Variants in AKT2 observed in about 807,000 individuals in gnomAD.
AKT2 encodes AKT serine/threonine kinase 2, also known as RAC-beta serine/threonine-protein kinase.
In AKT2, 16 loss-of-function variants were observed where a neutral mutation model predicts 58.6. That is an observed-to-expected ratio of 0.27 (90% CI 0.18 to 0.41). AKT2 has a LOEUF of 0.41. AKT2 is among the 10% of genes least tolerant of loss of function. The pLI, the probability that AKT2 is intolerant of heterozygous loss-of-function variation, is 1.00. For synonymous variants in AKT2, 253 were observed against 254.0 expected (o/e 1.00, Z 0.04); for missense variants, 438 against 661.0 (o/e 0.66, Z 3.70).
At chr19:40,259,379 T>C (rs1054101660) in intron 2 of AKT2, among the ~76,000 whole-genome samples, 7 of 152,170 alleles carry the variant, frequency 4.6e-5, no homozygotes, top group Admixed American at 2.6e-4. Context: ...TTCAAAAGAA[T>C]GGATATCACA....
intron 2 of AKT2, among the ~76,000 whole-genome samples, chr19:40,258,245 G>GAAAAA (rs56202522): frequency 9.7e-5 from 4 of 41,084 alleles, no homozygotes; most frequent in African/African-American, 2.6e-4. Context: ...ACTCCGTCTC[G>GAAAAA]AAAAAAAAAA....
rs73044518 is a variant in AKT2, at chr19:40,271,960, T to C, written c.-84-6609A>G. ...GAAATAGGGAAACCTGGCAACAATC[T>C]AAAAGCTCACAACAGGGGTCTGGTG... is the stretch of plus-strand genomic sequence containing the variant. On this transcript the variant is annotated intron_variant, in intron 1 of 13. Coordinates refer to ENST00000392038, the MANE Select transcript of AKT2 (RefSeq NM_001626.6). Among the ~76,000 whole-genome samples the C allele has an allele frequency of 9.8e-3, 1,490 of 152,286 alleles. 11 individuals carry two copies. Among genetic ancestry groups the C allele is most frequent in the Middle Eastern group, 0.031 (9 of 294 alleles).
chr19:40,236,458 GA>G (rs1974033129), intron 9 of AKT2, 73 bp from the exon 10 acceptor site: 1 of 1,604,620 alleles, frequency 6.2e-7, no homozygotes, highest in Non-Finnish European at 8.5e-7. Context: ...TCCTTCCAGG[GA>G]AAGATGCCCG....
intron 4 of AKT2, among the ~76,000 whole-genome samples, chr19:40,251,899 T>C (rs1350820699): frequency 1.3e-5 from 2 of 152,164 alleles, no homozygotes; most frequent in African/African-American, 4.8e-5. Context: ...CACAACCAGA[T>C]GAAGCAGACA....
At chr19:40,276,732 C>T (rs2077333281) in intron 1 of AKT2, among the ~76,000 whole-genome samples, 1 of 152,000 alleles carries the variant, frequency 6.6e-6, no homozygotes, top group Non-Finnish European at 1.5e-5. Context: ...ATAATTTTTG[C>T]AGGCCAGGTG....
chr19:40,235,027 G>C lies in AKT2; in HGVS notation c.1366+18C>G. 5.6e-6 allele frequency: 9 copies of C among 1,611,496 alleles called. No homozygotes were observed. Among genetic ancestry groups the C allele is most frequent in the Non-Finnish European group, 7.6e-6 (9 of 1,177,562 alleles). On this transcript the variant is annotated intron_variant, in intron 13 of 13. Coordinates refer to ENST00000392038, the MANE Select transcript of AKT2 (RefSeq NM_001626.6). This position sits in a 1 kb window ranked among gnomAD's most constrained non-coding sequence, Gnocchi z 6.3. ...CCCCTGGGGCAGGCACACCAGCGCGGGGGCCCCAGGCACTCACAGCGGTCA... is the reference window on the plus strand; with the variant it reads ...CCCCTGGGGCAGGCACACCAGCGCGCGGGCCCCAGGCACTCACAGCGGTCA...
In AKT2 at chr19:40,235,348, A is replaced by G; in HGVS notation, c.1178T>C (p.Leu393Pro). The change falls in exon 12 of 14, where the codon CTT (leucine) becomes CCT (proline). Residue 393 changes from leucine (L) to proline (P), a missense_variant and splice_region_variant. Physicochemically the swap from Leu to Pro is moderately conservative, Grantham distance 98. Around this residue, in one of 3 missense-constraint regions of AKT2, gnomAD observed 148 missense variants for 199.5 expected, o/e 0.74. Coordinates refer to ENST00000392038, the MANE Select transcript of AKT2 (RefSeq NM_001626.6). This position sits in a 1 kb window ranked among gnomAD's most constrained non-coding sequence, Gnocchi z 6.3. The part of the protein sequence containing the change: ...GLLKKDPKQR[L>P]GGGPSDAKEV... ...CTTGGCATCGCTGGGCCCCCCACCAAGCCTGTGCAGAGACGGCCGTCAGCA... is the reference window on the plus strand; with the variant it reads ...CTTGGCATCGCTGGGCCCCCCACCAGGCCTGTGCAGAGACGGCCGTCAGCA... The G allele has an allele frequency of 6.2e-7, 1 of 1,613,736 alleles. No homozygotes were observed. Among genetic ancestry groups the G allele is most frequent in the Non-Finnish European group, 8.5e-7 (1 of 1,180,004 alleles).
chr19:40,236,171 A>G (rs1230420670), intron 10 of AKT2, 67 bp from the exon 11 acceptor site: 35 of 1,613,280 alleles, frequency 2.2e-5, no homozygotes, highest in Non-Finnish European at 2.8e-5. Flanking sequence ...TCCTGCCCTC[A>G]GGGCATCTGG....
At chr19:40,247,917 C>T (rs555752913) in intron 4 of AKT2, among the ~76,000 whole-genome samples, 1 of 152,264 alleles carries the variant, frequency 6.6e-6, no homozygotes, top group African/African-American at 2.4e-5. Flanking sequence ...TTTTCTGGAA[C>T]CTTCTCATCC....
chr19:40,279,830 TAC>T (rs931839945), intron 1 of AKT2, among the ~76,000 whole-genome samples: 18 of 152,088 alleles, frequency 1.2e-4, no homozygotes, highest in African/African-American at 4.3e-4. Context: ...CAGCACAAGC[TAC>T]AGAGGCTCTC....
rs1973993532 is a variant in AKT2, at chr19:40,235,896, T to C, written c.1169A>G (p.Lys390Arg). The change falls in exon 11 of 14, where the codon AAG becomes AGG. Residue 390 changes from lysine to arginine, a missense_variant. By Grantham distance (26) the Lys-to-Arg change is conservative (BLOSUM62 2). Transcript: ENST00000392038. This position sits in a 1 kb window ranked among gnomAD's most constrained non-coding sequence, Gnocchi z 6.3. ...LLAGLLKKDP[K>R]QRLGGGPSDA... ...GGCCGACGCCAGCCCTCACCTCTGC[T>C]TGGGGTCCTTCTTAAGCAGCCCAGC... The C allele has an allele frequency of 1.9e-6, 3 of 1,610,120 alleles. No individual in the cohort carries two copies. Among genetic ancestry groups the C allele is most frequent in the Non-Finnish European group, 2.5e-6 (3 of 1,179,394 alleles).
chr19:40,272,333 C>T (rs959602259), intron 1 of AKT2, among the ~76,000 whole-genome samples: 40 of 152,314 alleles, frequency 2.6e-4, no homozygotes, highest in African/African-American at 9.4e-4. Flanking sequence ...CAGACAGCAG[C>T]GCTTTCATCA....
Position 40,233,912 on chromosome 19 carries a change from T to C in AKT2, c.1406A>G (p.His469Arg). 1 of 1,611,828 alleles carries C rather than the reference T, an allele frequency of 6.2e-7. No homozygotes were observed. Among genetic ancestry groups the C allele is most frequent in the East Asian group, 2.2e-5 (1 of 44,876 alleles). ...LGLLELDQRTHFPQFSYSASI... is the reference protein window; with the variant it reads ...LGLLELDQRTRFPQFSYSASI... ...GGCCGAGTAGGAGAACTGGGGGAAGTGGGTCCGCTGGTCCAGCTCCAGTAA... is the reference window on the plus strand; with the variant it reads ...GGCCGAGTAGGAGAACTGGGGGAAGCGGGTCCGCTGGTCCAGCTCCAGTAA... The change falls in exon 14 of 14, where the codon CAC (histidine) becomes CGC (arginine). Residue 469 changes from histidine (H) to arginine (R), a missense_variant. By Grantham distance (29) the His-to-Arg change is conservative. Around this residue, in one of 3 missense-constraint regions of AKT2, gnomAD observed 148 missense variants for 199.5 expected, o/e 0.74. Coordinates refer to ENST00000392038, the MANE Select transcript of AKT2 (RefSeq NM_001626.6). This position sits in a 1 kb window ranked among gnomAD's most constrained non-coding sequence, Gnocchi z 4.3.
At chr19:40,264,004 G>C (rs1055782899) in intron 2 of AKT2, among the ~76,000 whole-genome samples, 6 of 152,088 alleles carry the variant, frequency 3.9e-5, no homozygotes, top group African/African-American at 1.4e-4. Context: ...TCGCGCCACC[G>C]TGAGACATGC....
chr19:40,273,250 A>G (rs1453657262), intron 1 of AKT2, among the ~76,000 whole-genome samples: 1 of 151,828 alleles, frequency 6.6e-6, no homozygotes, highest in African/African-American at 2.4e-5. Flanking sequence ...CTGAGGCAGG[A>G]GAATTGCTTG....
rs888300994 is a variant in AKT2 at position 40,242,867 on chromosome 19, C to T, written c.288-180G>A. The T allele has an allele frequency of 1.9e-5, 13 of 682,874 alleles. No individual in the cohort carries two copies. The highest frequency in any genetic ancestry group is 1.2e-4 in the African/African-American group (7 of 56,286). 42.3% of individuals were successfully genotyped at this position (682,874 alleles called of 1,614,324 possible). On this transcript the variant is annotated intron_variant, in intron 4 of 13. Transcript: ENST00000392038. This position sits in a 1 kb window ranked among gnomAD's most constrained non-coding sequence, Gnocchi z 4.3. Reference sequence around the variant, plus strand: ...CTGAAGGGACCTGAGTGAAATTCCACGCCAGGCGCAGTGGCTCATGCCTAT... The same window carrying T: ...CTGAAGGGACCTGAGTGAAATTCCATGCCAGGCGCAGTGGCTCATGCCTAT...
At chr19:40,266,013 C>A (rs550497714) in intron 1 of AKT2, 1 of 154,678 alleles carries the variant, frequency 6.5e-6, no homozygotes, top group South Asian at 2.0e-4. Flanking sequence ...CAACCTACTG[C>A]GTATGCACGG....
Position 40,240,101 on chromosome 19 carries a change from C to T in AKT2, c.583G>A (p.Ala195Thr), listed in dbSNP as rs763319755. 19 of 1,613,910 alleles carry T rather than the reference C, an allele frequency of 1.2e-5. No individual in the cohort carries two copies. Among genetic ancestry groups the T allele is most frequent in the Admixed American group, 1.0e-4 (6 of 60,006 alleles). ...ACCCGGCTCTCGGTGACTGTGTGAG[C>T]GACTTCATCCTGCAGACAGACTGCG... Reference protein sequence around the residue: ...KEVIIAKDEVAHTVTESRVLQ... With the variant: ...KEVIIAKDEVTHTVTESRVLQ... Residue 195 changes from alanine (A) to threonine (T), a missense_variant, in exon 7 of 14, where the codon GCT (alanine) becomes ACT (threonine). Ala to Thr is a moderately conservative substitution (Grantham distance 58). Coordinates refer to ENST00000392038, the MANE Select transcript of AKT2 (RefSeq NM_001626.6).
In AKT2 at chr19:40,241,913, C is replaced by G. The variant is rs3730259; in HGVS notation, c.573+25G>C. On this transcript the variant is annotated intron_variant, in intron 6 of 13. Coordinates refer to ENST00000392038, the MANE Select transcript of AKT2 (RefSeq NM_001626.6). ...AGACCGCAGCCCCCACAGAGGCTCG[C>G]GAGCGCAATTCCCGGGGCACGCACC... is the stretch of plus-strand genomic sequence containing the variant. 16,868 of 1,612,954 alleles carry G rather than the reference C, an allele frequency of 0.01. 382 individuals are homozygous for G. Among genetic ancestry groups the G allele is most frequent in the African/African-American group, 0.087 (6,506 of 75,038 alleles).
Sources: gnomAD v4.1 joint callset for allele counts (sites outside exome capture counted in the v4.1 genomes callset) on GRCh38, gnomAD v4.1.1 for gene constraint, gnomAD v4.1.1 regional missense constraint, Gnocchi (gnomAD v3.1) non-coding constraint, MANE v1.5 for transcripts, NCBI Gene and HGNC (gene_info 2026-07-23, HGNC 2026-07-21) for gene names.